The following RHBDD1 variants were observed in gnomAD, a reference collection of about 807,000 sequenced individuals.
The protein encoded by RHBDD1 is rhomboid domain containing 1.
In RHBDD1, 38 loss-of-function variants were observed where a neutral mutation model predicts 36.3. The observed-to-expected ratio is 1.05, with a 90% CI of 0.81 to 1.37. RHBDD1 has a LOEUF of 1.37. Among genes scored for constraint, RHBDD1 ranks in the 40% most tolerant of loss-of-function variants. The pLI is 0.00. For missense variants in RHBDD1, 393 were observed against 377.6 expected (o/e 1.04, Z -0.34); for synonymous variants, 151 against 136.5 (o/e 1.11, Z -0.74).
At chr2:226,957,129 A>G (rs10210963) in intron 8 of RHBDD1, among the ~76,000 whole-genome samples, 69,684 of 152,048 alleles carry the variant, frequency 0.46, 16,168 homozygotes, top group African/African-American at 0.53. Context: ...GATGAAATTC[A>G]CCCCAGATTC....
chr2:226,823,887 A>G, the RHBDD1 span, among the ~76,000 whole-genome samples: 1 of 152,156 alleles, frequency 6.6e-6, no homozygotes, highest in African/African-American at 2.4e-5. Flanking sequence ...GCTCGATTCT[A>G]TAACAAACCC....
At chr2:226,945,270 A>G (rs1009898414) in intron 8 of RHBDD1, among the ~76,000 whole-genome samples, 4 of 151,996 alleles carry the variant, frequency 2.6e-5, no homozygotes, top group Non-Finnish European at 5.9e-5. Context: ...TCAACCTGTC[A>G]TTCTCATTAG....
At chr2:226,899,465 G>A (rs1057415488) in intron 5 of RHBDD1, among the ~76,000 whole-genome samples, 2 of 152,010 alleles carry the variant, frequency 1.3e-5, no homozygotes, top group African/African-American at 4.8e-5. Flanking sequence ...ATATCTAGAG[G>A]TCCACTGGAC....
intron 8 of RHBDD1, chr2:226,988,430 G>A (rs746910872): frequency 1.7e-5 from 26 of 1,550,270 alleles, no homozygotes; most frequent in Non-Finnish European, 2.2e-5. Flanking sequence ...CCTGAAGCAG[G>A]CCGCAGTTTG....
the RHBDD1 span, among the ~76,000 whole-genome samples, chr2:226,814,705 CA>C: frequency 6.6e-6 from 1 of 152,112 alleles, no homozygotes; most frequent in East Asian, 1.9e-4. Flanking sequence ...GGGACAATAG[CA>C]AGAGAAAAGT....
intron 8 of RHBDD1, among the ~76,000 whole-genome samples, chr2:226,921,702 G>A (rs915203760): frequency 9.2e-5 from 14 of 152,006 alleles, no homozygotes; most frequent in African/African-American, 3.4e-4. Flanking sequence ...GATGATACTT[G>A]ATATAATTTC....
chr2:226,982,890 A>G (rs1292768861), intron 8 of RHBDD1, among the ~76,000 whole-genome samples: 1 of 152,238 alleles, frequency 6.6e-6, no homozygotes, highest in Non-Finnish European at 1.5e-5. Flanking sequence ...GTGTCATCAC[A>G]AATAGAATTT....
intron 8 of RHBDD1, among the ~76,000 whole-genome samples, chr2:226,952,763 A>T (rs1479081519): frequency 6.6e-6 from 1 of 152,224 alleles, no homozygotes; most frequent in Admixed American, 6.5e-5. Flanking sequence ...ATAAGAACCA[A>T]ATTATCTGCC....
the RHBDD1 span, among the ~76,000 whole-genome samples, chr2:226,828,274 C>A: frequency 9.9e-5 from 15 of 152,136 alleles, no homozygotes; most frequent in Non-Finnish European, 4.4e-5. Flanking sequence ...TGAGGCTCAT[C>A]CGTGTTATAG....
chr2:226,821,867 T>G, the RHBDD1 span, among the ~76,000 whole-genome samples: 3 of 152,236 alleles, frequency 2.0e-5, no homozygotes, highest in African/African-American at 7.2e-5. Context: ...TTTGATTTTT[T>G]TCTAATATGC....
intron 5 of RHBDD1, chr2:226,867,726 C>CT (rs892663371): frequency 6.1e-3 from 4,926 of 813,062 alleles, no homozygotes; most frequent in Middle Eastern, 0.01. Context: ...TATTATTATT[C>CT]TTTTTTTTTT....
chr2:226,909,606 G>T (rs1386278491), intron 7 of RHBDD1, among the ~76,000 whole-genome samples: 1 of 152,062 alleles, frequency 6.6e-6, no homozygotes, highest in African/African-American at 2.4e-5. Flanking sequence ...AAAAAATTAG[G>T]TCATGAGGGT....
chr2:226,847,137 C>T (rs1942310614), intron 3 of RHBDD1, among the ~76,000 whole-genome samples: 1 of 152,178 alleles, frequency 6.6e-6, no homozygotes, highest in Admixed American at 6.5e-5. Flanking sequence ...CAGTTTTCTG[C>T]ATGCATCAAA....
At chr2:226,939,610 CAG>C (rs1303003643) in intron 8 of RHBDD1, among the ~76,000 whole-genome samples, 1 of 152,100 alleles carries the variant, frequency 6.6e-6, no homozygotes, top group Non-Finnish European at 1.5e-5. Flanking sequence ...TCAAATAAAT[CAG>C]AGAGGACACA....
chr2:226,898,016 A>G (rs1947259960), intron 5 of RHBDD1, among the ~76,000 whole-genome samples: 1 of 152,144 alleles, frequency 6.6e-6, no homozygotes, highest in African/African-American at 2.4e-5. Flanking sequence ...CAAAACAAAC[A>G]AAAACCAGCC....
chr2:226,852,423 G>A (rs769610611), intron 3 of RHBDD1, among the ~76,000 whole-genome samples: 2 of 152,072 alleles, frequency 1.3e-5, no homozygotes, highest in East Asian at 3.9e-4. Flanking sequence ...CCTTTGGCAG[G>A]TTATTAGGTC....
chr2:226,944,992 G>T (rs968614770), intron 8 of RHBDD1, among the ~76,000 whole-genome samples: 2 of 152,076 alleles, frequency 1.3e-5, no homozygotes. Flanking sequence ...GTTGGTTGTG[G>T]TTACAATGTA....
intron 3 of RHBDD1, among the ~76,000 whole-genome samples, chr2:226,841,263 G>T (rs576952077): frequency 3.9e-4 from 59 of 152,216 alleles, no homozygotes; most frequent in African/African-American, 1.4e-3. Flanking sequence ...CTCCCTAGTA[G>T]CTGGGACTAC....
intron 8 of RHBDD1, among the ~76,000 whole-genome samples, chr2:226,923,496 G>T (rs1009835831): frequency 1.3e-5 from 2 of 151,982 alleles, no homozygotes; most frequent in Admixed American, 6.6e-5. Flanking sequence ...TCTTGAGGTA[G>T]TCTTATTTGG....
Sources: gnomAD v4.1 joint callset for allele counts (sites outside exome capture counted in the v4.1 genomes callset) on GRCh38, gnomAD v4.1.1 for gene constraint, MANE v1.5 for transcripts, NCBI Gene and HGNC (gene_info 2026-07-23, HGNC 2026-07-21) for gene names.